Variants in UVRAG observed in about 807,000 individuals in gnomAD.
UVRAG encodes the protein UV radiation resistance-associated gene protein.
In UVRAG, 19 loss-of-function variants were observed where a neutral mutation model predicts 78.0. That is an observed-to-expected ratio of 0.24 (90% CI 0.17 to 0.36). The LOEUF (loss-of-function observed/expected upper bound fraction) is 0.36, where lower values mean the gene tolerates loss of function less well. UVRAG is among the 10% of genes least tolerant of loss of function. UVRAG has a pLI of 1.00. For synonymous variants in UVRAG, 323 were observed against 324.6 expected, an observed-to-expected ratio of 1.00 and a Z score of 0.05; for missense variants, 740 against 853.8, an observed-to-expected ratio of 0.87 and a Z score of 1.66.
chr11:75,857,490 C>T lies in UVRAG; in HGVS notation c.236-4256C>T, dbSNP rs765524531. ...ACCTTCTTGCAGATCTTTCTTTTTC[C>T]CCCCCCCTTTTTTTTTTGAGATGGA... On this transcript the variant is annotated intron_variant, in intron 2 of 14. Transcript: ENST00000356136. 4.6e-5 allele frequency among the ~76,000 whole-genome samples: 7 copies of T among 150,670 alleles called. No individual in the cohort carries two copies. The South Asian group carries it at 1.5e-3, about 32-fold the overall frequency.
intron 7 of UVRAG, among the ~76,000 whole-genome samples, chr11:75,981,912 A>ATT (rs1949403199): frequency 7.0e-6 from 1 of 143,166 alleles, no homozygotes; most frequent in African/African-American, 2.8e-5. Flanking sequence ...GAGACTTTCT[A>ATT]GTTTTTTTTT....
intron 7 of UVRAG, among the ~76,000 whole-genome samples, chr11:75,969,885 A>G (rs1949092039): frequency 6.6e-6 from 1 of 152,188 alleles, no homozygotes; most frequent in African/African-American, 2.4e-5. Flanking sequence ...AAATCAAGAT[A>G]CTAACCTTTT....
At chr11:75,956,150 A>ATAT (rs1206760381) in intron 6 of UVRAG, among the ~76,000 whole-genome samples, 1 of 152,160 alleles carries the variant, frequency 6.6e-6, no homozygotes, top group Non-Finnish European at 1.5e-5. Context: ...GATTTTCATT[A>ATAT]TATGAATATA....
intron 1 of UVRAG, among the ~76,000 whole-genome samples, chr11:75,819,961 T>G (rs1397354074): frequency 6.6e-6 from 1 of 152,108 alleles, no homozygotes; most frequent in Non-Finnish European, 1.5e-5. Flanking sequence ...AGAGCGAAAC[T>G]GTCTAAAAAA....
intron 8 of UVRAG, among the ~76,000 whole-genome samples, chr11:75,999,282 T>C (rs1236112905): frequency 6.6e-6 from 1 of 151,380 alleles, no homozygotes; most frequent in East Asian, 1.9e-4. Context: ...ATAATGGTGT[T>C]TGTGGGCTTA....
At chr11:75,831,503 CAAAA>C (rs376448104) in intron 1 of UVRAG, among the ~76,000 whole-genome samples, 60 of 130,608 alleles carry the variant, frequency 4.6e-4, no homozygotes, top group African/African-American at 1.2e-3. Context: ...AACAAACAAA[CAAAA>C]AAAAAAAACA....
intron 1 of UVRAG, among the ~76,000 whole-genome samples, chr11:75,841,543 A>T (rs1287886350): frequency 6.6e-6 from 1 of 151,530 alleles, no homozygotes; most frequent in Non-Finnish European, 1.5e-5. Context: ...TTAAAAAAAA[A>T]CTGGTAATAT....
chr11:75,940,669 C>G (rs1392382066), intron 6 of UVRAG, among the ~76,000 whole-genome samples: 2 of 152,182 alleles, frequency 1.3e-5, no homozygotes, highest in African/African-American at 4.8e-5. Context: ...ATTAGAGTCA[C>G]TGCTAATATT....
intron 6 of UVRAG, among the ~76,000 whole-genome samples, chr11:75,932,227 G>A (rs959749262): frequency 2.0e-5 from 3 of 152,008 alleles, no homozygotes; most frequent in African/African-American, 7.2e-5. Flanking sequence ...AATTGGAAAG[G>A]AAGAACTCAA....
intron 7 of UVRAG, among the ~76,000 whole-genome samples, chr11:75,970,186 AG>A (rs1490038366): frequency 9.5e-4 from 144 of 152,348 alleles, no homozygotes; most frequent in Non-Finnish European, 1.9e-4. Context: ...ACAGAATTTC[AG>A]ATTTGTATCT....
chr11:75,919,133 G>C (rs1409227517), intron 6 of UVRAG, among the ~76,000 whole-genome samples: 1 of 152,164 alleles, frequency 6.6e-6, no homozygotes, highest in Non-Finnish European at 1.5e-5. Context: ...ATAGTGTTTA[G>C]AGAAGAGATG....
rs1436153367 is a variant in UVRAG at position 75,861,720 on chromosome 11, T to TA, written c.236-25dup. On this transcript the variant is annotated intron_variant, in intron 2 of 14. Transcript: ENST00000356136. Reference sequence around the variant, plus strand: ...TGGGCTTATTTTCTTTCATATCACTTATTGTTCTTTTTTCTTCTTTTCCAG... The same window carrying TA: ...TGGGCTTATTTTCTTTCATATCACTTAATTGTTCTTTTTTCTTCTTTTCCAG... 5 of 1,554,870 alleles carry TA rather than the reference T, an allele frequency of 3.2e-6. No homozygotes were observed. In the South Asian group the frequency reaches 5.7e-5, roughly 18 times the overall value.
At chr11:75,832,705 G>A (rs1394729681) in intron 1 of UVRAG, among the ~76,000 whole-genome samples, 1 of 152,158 alleles carries the variant, frequency 6.6e-6, no homozygotes, top group Non-Finnish European at 1.5e-5. Flanking sequence ...TGGAGGTCAG[G>A]GGGTAGAGCT....
chr11:75,990,832 T>G (rs1949591062), intron 8 of UVRAG, among the ~76,000 whole-genome samples: 1 of 152,196 alleles, frequency 6.6e-6, no homozygotes, highest in Non-Finnish European at 1.5e-5. Context: ...CAGGCACTGT[T>G]CAAGGACTAC....
intron 12 of UVRAG, among the ~76,000 whole-genome samples, chr11:76,034,230 A>C (rs1266776388): frequency 1.3e-5 from 2 of 151,960 alleles, no homozygotes; most frequent in Non-Finnish European, 2.9e-5. Context: ...ACAAGGTCTC[A>C]CTCTGTCACT....
chr11:75,934,087 C>G (rs187612711), intron 6 of UVRAG, among the ~76,000 whole-genome samples: 2 of 152,132 alleles, frequency 1.3e-5, no homozygotes, highest in Non-Finnish European at 2.9e-5. Context: ...TTGGGAGCAA[C>G]CTAAGTGTCC....
chr11:76,058,011 T>C (rs1189487337), intron 12 of UVRAG, among the ~76,000 whole-genome samples: 1 of 152,112 alleles, frequency 6.6e-6, no homozygotes, highest in African/African-American at 2.4e-5. Context: ...TTGAAGTGCA[T>C]GTAGCCTTAA....
At chr11:75,896,579 A>G (rs1020809240) in intron 5 of UVRAG, among the ~76,000 whole-genome samples, 2 of 152,206 alleles carry the variant, frequency 1.3e-5, no homozygotes, top group African/African-American at 2.4e-5. Flanking sequence ...TCTAAATCCT[A>G]TGATAAGAGG....
intron 1 of UVRAG, among the ~76,000 whole-genome samples, chr11:75,820,658 C>A (rs1945367555): frequency 6.6e-6 from 1 of 152,174 alleles, no homozygotes; most frequent in African/African-American, 2.4e-5. Context: ...CCCGGCCTCA[C>A]TTATTCTTAA....
Sources: allele counts gnomAD v4.1 joint callset (sites outside exome capture counted in the v4.1 genomes callset), GRCh38; gene constraint gnomAD v4.1.1; transcripts MANE v1.5; gene names NCBI Gene and HGNC (gene_info 2026-07-23, HGNC 2026-07-21).